The following PCDH15 variants were observed in gnomAD, a reference collection of about 807,000 sequenced individuals.
The protein encoded by PCDH15 is protocadherin-15.
PCDH15 carries 129 observed loss-of-function variants against 178.5 expected under a neutral mutation model. The observed-to-expected ratio is 0.72, with a 90% CI of 0.63 to 0.84. The LOEUF (loss-of-function observed/expected upper bound fraction) is 0.84, where lower values mean the gene tolerates loss of function less well. Among genes scored for constraint, PCDH15 ranks in the 40% least tolerant of loss-of-function variants. The pLI is 0.00. For synonymous variants in PCDH15, 800 were observed against 732.0 expected (o/e 1.09, Z -1.50); for missense variants, 2,230 against 2,099.9 (o/e 1.06, Z -1.21).
chr10:55,613,736 C>T (rs1204934664), intron 2 of PCDH15, among the ~76,000 whole-genome samples: 3 of 152,122 alleles, frequency 2.0e-5, no homozygotes, highest in Non-Finnish European at 2.9e-5. Context: ...GTCATAGCCT[C>T]GTAGCTCAAA....
intron 26 of PCDH15, among the ~76,000 whole-genome samples, chr10:53,896,905 T>C (rs543312107): frequency 6.6e-6 from 1 of 152,294 alleles, no homozygotes; most frequent in Non-Finnish European, 1.5e-5. Flanking sequence ...CTTCCACTGA[T>C]TCTACATTAT....
chr10:54,058,388 C>G (rs1230018589), intron 18 of PCDH15, among the ~76,000 whole-genome samples: 2 of 152,164 alleles, frequency 1.3e-5, no homozygotes, highest in African/African-American at 4.8e-5. Flanking sequence ...AAATGAGGAG[C>G]AAAGTCCTGG....
intron 3 of PCDH15, among the ~76,000 whole-genome samples, chr10:54,515,544 C>A (rs1472610989): frequency 3.3e-5 from 5 of 152,242 alleles, no homozygotes; most frequent in East Asian, 3.9e-4. Context: ...GTAGGCTCCA[C>A]CTCTGGGGGC....
At chr10:55,329,027 T>TTG (rs1004768740) in intron 2 of PCDH15, among the ~76,000 whole-genome samples, 2 of 123,298 alleles carry the variant, frequency 1.6e-5, no homozygotes, top group African/African-American at 3.2e-5. Context: ...GTGTGTGTGT[T>TTG]TGTGTGTGTG....
chr10:54,969,960 C>T (rs985486350), intron 2 of PCDH15, among the ~76,000 whole-genome samples: 1 of 152,118 alleles, frequency 6.6e-6, no homozygotes, highest in Non-Finnish European at 1.5e-5. Flanking sequence ...TTTTTGCAAG[C>T]CTTCCTATGG....
chr10:55,611,474 G>A (rs182418693), intron 2 of PCDH15, among the ~76,000 whole-genome samples: 93 of 152,114 alleles, frequency 6.1e-4, no homozygotes, highest in African/African-American at 1.9e-3. Flanking sequence ...ACTCATTTTA[G>A]AATGGCTATT....
At chr10:54,006,092 A>AT (rs1367454021) in intron 20 of PCDH15, among the ~76,000 whole-genome samples, 2 of 152,168 alleles carry the variant, frequency 1.3e-5, no homozygotes, top group Non-Finnish European at 2.9e-5. Flanking sequence ...TTATGGAGCC[A>AT]TGGGAGAGAT....
intron 2 of PCDH15, among the ~76,000 whole-genome samples, chr10:55,346,186 A>C (rs1040692417): frequency 6.6e-6 from 1 of 152,180 alleles, no homozygotes; most frequent in Admixed American, 6.6e-5. Flanking sequence ...AGAGGTAACA[A>C]ATAGTCTTGA....
intron 2 of PCDH15, among the ~76,000 whole-genome samples, chr10:54,919,406 A>C (rs892148224): frequency 6.6e-6 from 1 of 152,166 alleles, no homozygotes; most frequent in Non-Finnish European, 1.5e-5. Flanking sequence ...AAAGAATTTC[A>C]CCCACGTTTT....
At chr10:54,684,598 G>T (rs921481914) in intron 1 of PCDH15, among the ~76,000 whole-genome samples, 6 of 151,836 alleles carry the variant, frequency 4.0e-5, no homozygotes, top group Non-Finnish European at 7.4e-5. Context: ...TATTACAAAA[G>T]CTAATTATTT....
Position 55,344,411 on chromosome 10 carries a change from A to G in PCDH15, c.-155-177760T>C, listed in dbSNP as rs75990513. On this transcript the variant is annotated intron_variant, in intron 2 of 5. Transcript: ENST00000613346. ...GGGGAAAGCAGAGAGATAAATTAGG[A>G]GTTTATTGCAGTAATTTAAAGCAGA... Among the ~76,000 whole-genome samples, 840 of 152,144 alleles carry G rather than the reference A, an allele frequency of 5.5e-3. 8 individuals carry two copies. The highest frequency in any genetic ancestry group is 0.018 in the African/African-American group (749 of 41,510).
chr10:54,381,156 C>CATG (rs1183907251), intron 3 of PCDH15, among the ~76,000 whole-genome samples: 2 of 151,856 alleles, frequency 1.3e-5, no homozygotes, highest in Admixed American at 1.3e-4. Context: ...CTTAGGCAGA[C>CATG]ATGATACAAG....
Position 55,416,032 on chromosome 10 carries a change from CA to C in PCDH15, c.-156+211592del, listed in dbSNP as rs548509500. On this transcript the variant is annotated intron_variant, in intron 2 of 5. Coordinates refer to the PCDH15 transcript ENST00000613346. ...CCCACACTGTTAAAAGCTTTTAAGG[CA>C]AAAAAACAAACAAACAAGCAAACAA... Among the ~76,000 whole-genome samples the C allele has an allele frequency of 7.3e-3, 967 of 132,474 alleles. 4 individuals carry two copies. The highest frequency in any genetic ancestry group is 0.012 in the Non-Finnish European group (724 of 61,812). The allele number at this position is 132,474 out of a possible 152,430, so 86.9% of individuals were successfully genotyped here.
rs12242803 is a variant in PCDH15, at chr10:54,277,503, T to C, written c.876+39768A>G. Reference sequence around the variant, plus strand: ...TAAAATTGCAAGGCATTCAGTTAAATTTGATTTCCAGATATAAAACAGATA... The same window carrying C: ...TAAAATTGCAAGGCATTCAGTTAAACTTGATTTCCAGATATAAAACAGATA... On this transcript the variant is annotated intron_variant, in intron 8 of 37. Coordinates refer to ENST00000644397, the MANE Select transcript of PCDH15 (RefSeq NM_001384140.1). 3.5e-3 allele frequency among the ~76,000 whole-genome samples: 539 copies of C among 151,844 alleles called. 2 individuals carry two copies. The highest frequency in any genetic ancestry group is 0.013 in the African/African-American group (529 of 41,536).
chr10:55,518,070 G>C (rs1451560284), intron 2 of PCDH15, among the ~76,000 whole-genome samples: 1 of 152,188 alleles, frequency 6.6e-6, no homozygotes, highest in Non-Finnish European at 1.5e-5. Flanking sequence ...GTCTCTGTTG[G>C]AGGACAGGAA....
intron 22 of PCDH15, among the ~76,000 whole-genome samples, chr10:53,960,134 G>C (rs1444102320): frequency 6.6e-6 from 1 of 152,134 alleles, no homozygotes; most frequent in African/African-American, 2.4e-5. Context: ...AGTAAAACAA[G>C]TGTATTATAC....
intron 23 of PCDH15, among the ~76,000 whole-genome samples, chr10:53,946,194 C>T (rs2086559694): frequency 6.6e-6 from 1 of 152,118 alleles, no homozygotes; most frequent in Non-Finnish European, 1.5e-5. Context: ...GTGAATATGT[C>T]TCTCACCAGG....
At chr10:54,605,343 C>A (rs1719568558) in intron 2 of PCDH15, among the ~76,000 whole-genome samples, 1 of 151,830 alleles carries the variant, frequency 6.6e-6, no homozygotes, top group African/African-American at 2.4e-5. Flanking sequence ...CAATAAACTC[C>A]CTCAGCTTTC....
At chr10:54,189,430 T>A in intron 11 of PCDH15, 1 of 1,390,166 alleles carries the variant, frequency 7.2e-7, no homozygotes, top group Non-Finnish European at 9.7e-7. Flanking sequence ...ATGTAAATGA[T>A]CACAACCGCA....
Sources: allele counts gnomAD v4.1 joint callset (sites outside exome capture counted in the v4.1 genomes callset), GRCh38; gene constraint gnomAD v4.1.1; transcripts MANE v1.5; gene names NCBI Gene and HGNC (gene_info 2026-07-23, HGNC 2026-07-21).